The following TANGO6 variants were observed in gnomAD, a reference collection of about 807,000 sequenced individuals.
TANGO6 encodes the protein transport and golgi organization 6 homolog.
In TANGO6, 90 loss-of-function variants were observed where a neutral mutation model predicts 114.2. That is an observed-to-expected ratio of 0.79 (90% CI 0.66 to 0.94). The LOEUF is 0.94. TANGO6 is among the 40% of genes least tolerant of loss of function. The pLI, the probability that TANGO6 is intolerant of heterozygous loss-of-function variation, is 0.00. For synonymous variants in TANGO6, 477 were observed against 509.8 expected (o/e 0.94, Z 0.87); for missense variants, 1,274 against 1,315.3 (o/e 0.97, Z 0.49).
chr16:69,047,765 T>A (rs1335622193), intron 17 of TANGO6, among the ~76,000 whole-genome samples: 18 of 152,152 alleles, frequency 1.2e-4, no homozygotes, highest in Admixed American at 1.2e-3. Context: ...GACTATAAAA[T>A]ATTTGAGAAC....
At chr16:68,993,357 G>A (rs963278414) in intron 15 of TANGO6, among the ~76,000 whole-genome samples, 4 of 152,136 alleles carry the variant, frequency 2.6e-5, no homozygotes, top group African/African-American at 9.7e-5. Context: ...GCATTCATTT[G>A]GATTCTAATT....
Position 68,909,200 on chromosome 16 carries a change from C to A in TANGO6, c.1801-11C>A. The A allele has an allele frequency of 1.3e-6, 2 of 1,493,734 alleles. No individual in the cohort carries two copies. Among genetic ancestry groups the A allele is most frequent in the Admixed American group, 2.2e-5 (1 of 44,492 alleles). 92.5% of individuals were successfully genotyped at this position (1,493,734 alleles called of 1,614,324 possible). On this transcript the variant is annotated splice_polypyrimidine_tract_variant and intron_variant, in intron 10 of 17. Coordinates refer to ENST00000261778, the MANE Select transcript of TANGO6 (RefSeq NM_024562.2). ...TTTATCTTCACTTTTTCTTTCCTGC[C>A]ATGCTTGTAGGAGTTGACTCATGTG...
rs755722229 is a variant in TANGO6 at position 68,867,147 on chromosome 16, G to A, written c.921G>A (p.Gln307=). Residue 307 remains glutamine, a synonymous_variant, in exon 4 of 18, where the codon CAG becomes CAA. Transcript: ENST00000261778. ...APAWLRRLCG[Q]LLSERLMRPN... The stretch of plus-strand genomic sequence containing the variant: ...CTTGGCTTCGGCGTCTATGTGGACA[G>A]CTGCTCTCTGAAAGGTTAATGAGAC... 22 of 1,613,856 alleles carry A rather than the reference G, an allele frequency of 1.4e-5. No homozygotes were observed. In the Admixed American group the frequency reaches 2.7e-4, roughly 20 times the overall value.
At chr16:68,959,458 G>T (rs993288674) in intron 14 of TANGO6, among the ~76,000 whole-genome samples, 1 of 151,908 alleles carries the variant, frequency 6.6e-6, no homozygotes, top group Non-Finnish European at 1.5e-5. Context: ...GTGGTGGTGT[G>T]CACCTATAAT....
intron 14 of TANGO6, among the ~76,000 whole-genome samples, chr16:68,958,783 A>G (rs936444545): frequency 1.3e-5 from 2 of 151,856 alleles, no homozygotes; most frequent in Admixed American, 6.6e-5. Flanking sequence ...AGCATTTTTT[A>G]ATATTTTAGC....
chr16:68,877,017 A>C (rs1962373079), intron 5 of TANGO6, among the ~76,000 whole-genome samples: 1 of 152,182 alleles, frequency 6.6e-6, no homozygotes, highest in Non-Finnish European at 1.5e-5. Flanking sequence ...GTACATAACT[A>C]CCAGTATTAC....
chr16:68,950,983 G>A lies in TANGO6; in HGVS notation c.2701+20688G>A, dbSNP rs561086353. Among the ~76,000 whole-genome samples, 36 of 152,214 alleles carry A rather than the reference G, an allele frequency of 2.4e-4. No homozygotes were observed. In the South Asian group the frequency reaches 7.3e-3, roughly 31 times the overall value. ...GCAGGATTTAGACACTCAAATGAGT[G>A]TGAGGGGATTGAAGCTGAGGGAAAA... On this transcript the variant is annotated intron_variant, in intron 14 of 17. Transcript: ENST00000261778.
In TANGO6 at chr16:68,858,310, C is replaced by T. The variant is rs150273085; in HGVS notation, c.95-1574C>T. ...AACTCCTGACCTCAAGTGTTCCTCC[C>T]ACCTCAGCCTCCCAAAGTGCTGGGA... On this transcript the variant is annotated intron_variant, in intron 1 of 17. Transcript: ENST00000261778. Among the ~76,000 whole-genome samples, 20 of 152,274 alleles carry T rather than the reference C, an allele frequency of 1.3e-4. No homozygotes were observed. In the East Asian group the frequency reaches 3.5e-3, roughly 26 times the overall value.
chr16:68,981,932 A>G (rs1371628856), intron 15 of TANGO6, among the ~76,000 whole-genome samples: 1 of 152,196 alleles, frequency 6.6e-6, no homozygotes. Context: ...TTCTGTCCCA[A>G]GTGTTTCAGA....
intron 17 of TANGO6, among the ~76,000 whole-genome samples, chr16:69,075,953 C>T (rs1268999255): frequency 5.9e-5 from 9 of 151,316 alleles, no homozygotes; most frequent in African/African-American, 9.7e-5. Context: ...TTAGTAGAGA[C>T]GGGGTTTCAC....
At position 69,084,805 on chromosome 16, in the gene TANGO6, C is replaced by G. The variant is rs1000471558; in HGVS notation, c.*1144C>G. 1 of 152,358 alleles carries G rather than the reference C, an allele frequency of 6.6e-6. No individual in the cohort carries two copies. Among genetic ancestry groups the G allele is most frequent in the Non-Finnish European group, 1.5e-5 (1 of 68,046 alleles). 9.4% of individuals were successfully genotyped at this position (152,358 alleles called of 1,614,324 possible). ...CTGGGGTGACTAGATCCACAGGAAC[C>G]AAAACGCAGTTTCCAAAAGCTCGAG... On this transcript the variant is annotated 3_prime_UTR_variant, in exon 18 of 18. Coordinates refer to ENST00000261778, the MANE Select transcript of TANGO6 (RefSeq NM_024562.2).
chr16:68,987,680 T>G (rs1963909508), intron 15 of TANGO6, among the ~76,000 whole-genome samples: 1 of 152,186 alleles, frequency 6.6e-6, no homozygotes, highest in South Asian at 2.1e-4. Flanking sequence ...TTTAAATTGT[T>G]TATATACTAA....
intron 1 of TANGO6, among the ~76,000 whole-genome samples, chr16:68,852,823 C>T (rs1056120311): frequency 2.6e-5 from 4 of 151,856 alleles, no homozygotes; most frequent in Non-Finnish European, 5.9e-5. Flanking sequence ...CAGAGCGAGA[C>T]CCCCGTCTCA....
chr16:68,978,749 G>T (rs951976118), intron 15 of TANGO6, among the ~76,000 whole-genome samples: 2 of 151,650 alleles, frequency 1.3e-5, no homozygotes, highest in Non-Finnish European at 1.5e-5. Context: ...CGGCCCACCC[G>T]TGGGAGCAGG....
intron 1 of TANGO6, among the ~76,000 whole-genome samples, chr16:68,849,596 G>A (rs539328621): frequency 3.3e-5 from 5 of 151,892 alleles, no homozygotes; most frequent in Non-Finnish European, 7.4e-5. Flanking sequence ...GGAGTTTGAG[G>A]GTGCAATGGA....
intron 1 of TANGO6, among the ~76,000 whole-genome samples, chr16:68,859,587 A>G (rs1962055580): frequency 6.6e-6 from 1 of 152,262 alleles, no homozygotes; most frequent in Admixed American, 6.5e-5. Context: ...ATTTAAGCCC[A>G]GTAAGATGAT....
chr16:69,009,531 A>G (rs1964126793), intron 15 of TANGO6, among the ~76,000 whole-genome samples: 1 of 152,182 alleles, frequency 6.6e-6, no homozygotes, highest in South Asian at 2.1e-4. Flanking sequence ...GATCCCTTCC[A>G]TTCTTATATG....
intron 1 of TANGO6, 30 bp downstream of exon 1, chr16:68,843,741 G>A: frequency 6.2e-7 from 1 of 1,608,818 alleles, no homozygotes; most frequent in Non-Finnish European, 8.5e-7. Flanking sequence ...CGCCGGGCTG[G>A]ACCCGGGACT....
At chr16:68,996,723 T>C (rs1963993800) in intron 15 of TANGO6, among the ~76,000 whole-genome samples, 1 of 152,192 alleles carries the variant, frequency 6.6e-6, no homozygotes, top group Non-Finnish European at 1.5e-5. Flanking sequence ...AGGTCAAATA[T>C]GTATTGCATC....
Sources: gnomAD v4.1 joint callset for allele counts (sites outside exome capture counted in the v4.1 genomes callset) on GRCh38, gnomAD v4.1.1 for gene constraint, MANE v1.5 for transcripts, NCBI Gene and HGNC (gene_info 2026-07-23, HGNC 2026-07-21) for gene names.